The following PCDH15 variants were observed in gnomAD, a reference collection of about 807,000 sequenced individuals.
PCDH15 encodes the protein protocadherin related 15, also known as protocadherin-15.
A neutral mutation model predicts 178.5 loss-of-function variants in PCDH15; 129 were observed. That is an observed-to-expected ratio of 0.72 (90% confidence interval 0.63 to 0.84). The LOEUF is 0.84. Ranked by LOEUF, PCDH15 falls within the 40% of genes least tolerant of loss-of-function variation. PCDH15 has a pLI of 0.00. For missense variants in PCDH15, 2,230 were observed against 2,099.9 expected, an observed-to-expected ratio of 1.06 and a Z score of -1.21; for synonymous variants, 800 against 732.0, an observed-to-expected ratio of 1.09 and a Z score of -1.50.
At chr10:55,415,494 A>C (rs1408952690) in intron 2 of PCDH15, among the ~76,000 whole-genome samples, 1 of 151,692 alleles carries the variant, frequency 6.6e-6, no homozygotes, top group Non-Finnish European at 1.5e-5. Flanking sequence ...ACAATTGGAC[A>C]CCTTTCTCCA....
At chr10:55,222,730 C>CATATATATATATATATATATATATATAT (rs142618720) in intron 1 of PCDH15, among the ~76,000 whole-genome samples, 10 of 121,260 alleles carry the variant, frequency 8.2e-5, no homozygotes, top group South Asian at 5.3e-4. Context: ...CACACACACA[C>CATATATATATATATATATATATATATAT]ATATATATAT....
rs181390692 is a variant in PCDH15 at position 55,126,722 on chromosome 10, T to C, written c.-80+39854A>G. On this transcript the variant is annotated intron_variant, in intron 2 of 5. Coordinates refer to the PCDH15 transcript ENST00000458638. ...AAACAAAGGATAATATTTCTAGACATAGATATCAGTTGATATTTGATATAA... is the reference window on the plus strand; with the variant it reads ...AAACAAAGGATAATATTTCTAGACACAGATATCAGTTGATATTTGATATAA... 3.9e-3 allele frequency among the ~76,000 whole-genome samples: 587 copies of C among 152,142 alleles called. 2 individuals are homozygous for C. The highest frequency in any genetic ancestry group is 0.013 in the African/African-American group (557 of 41,534).
chr10:55,364,599 T>A (rs138993703), intron 2 of PCDH15, among the ~76,000 whole-genome samples: 1 of 152,278 alleles, frequency 6.6e-6, no homozygotes, highest in Admixed American at 6.5e-5. Flanking sequence ...CACATGGCTA[T>A]ATTATTTTGT....
intron 9 of PCDH15, among the ~76,000 whole-genome samples, chr10:54,236,619 AT>A (rs2054653189): frequency 6.6e-6 from 1 of 152,178 alleles, no homozygotes. Context: ...AAAGTTATTC[AT>A]TTATCATTCT....
chr10:55,020,181 T>A (rs1055135161), intron 2 of PCDH15, among the ~76,000 whole-genome samples: 2 of 150,484 alleles, frequency 1.3e-5, no homozygotes. Flanking sequence ...ATTAATCAAT[T>A]TGAATAAGCT....
intron 26 of PCDH15, among the ~76,000 whole-genome samples, chr10:53,868,465 G>A (rs2133181647): frequency 6.6e-6 from 1 of 152,150 alleles, no homozygotes; most frequent in East Asian, 1.9e-4. Context: ...TGAAATGATA[G>A]AAATGTTCTT....
At chr10:55,088,745 T>C (rs1371349895) in intron 2 of PCDH15, among the ~76,000 whole-genome samples, 1 of 152,118 alleles carries the variant, frequency 6.6e-6, no homozygotes, top group South Asian at 2.1e-4. Flanking sequence ...TTTAATACAT[T>C]ACATATAATA....
chr10:54,843,840 T>C (rs965576507), intron 3 of PCDH15, among the ~76,000 whole-genome samples: 20 of 151,944 alleles, frequency 1.3e-4, no homozygotes, highest in African/African-American at 4.8e-4. Flanking sequence ...GAGTCCCCAG[T>C]TGGAAAATAC....
chr10:54,877,566 A>C (rs1329073626), intron 3 of PCDH15, among the ~76,000 whole-genome samples: 4 of 152,314 alleles, frequency 2.6e-5, no homozygotes, highest in African/African-American at 9.6e-5. Context: ...GCACTATTAA[A>C]GAGTGAATAT....
At chr10:55,320,861 C>G (rs1843879441), upstream of PCDH15, among the ~76,000 whole-genome samples, 1 of 152,184 alleles carries the variant, frequency 6.6e-6, no homozygotes, top group South Asian at 2.1e-4. Flanking sequence ...TCTAGTAACT[C>G]AAAAAGCCAG....
In PCDH15 at chr10:54,672,352, A is replaced by C. The variant is rs1024878994; in HGVS notation, c.-28-8062T>G. 2.4e-4 allele frequency among the ~76,000 whole-genome samples: 36 copies of C among 152,184 alleles called. 1 individual carries two copies. Among genetic ancestry groups the C allele is most frequent in the Admixed American group, 1.2e-3 (18 of 15,276 alleles). ...ATGAAACCAGTCCCTGGTGCCACAA[A>C]CTTGGGGACCATTGCCATAGATAGT... On this transcript the variant is annotated intron_variant, in intron 1 of 37. Transcript: ENST00000644397.
intron 2 of PCDH15, among the ~76,000 whole-genome samples, chr10:55,333,076 G>A (rs1844255412): frequency 6.6e-6 from 1 of 152,032 alleles, no homozygotes; most frequent in Non-Finnish European, 1.5e-5. Context: ...AACATATAAA[G>A]ATAGAGTCAA....
intron 3 of PCDH15, among the ~76,000 whole-genome samples, chr10:54,509,233 T>A (rs1449612135): frequency 3.9e-5 from 6 of 152,052 alleles, no homozygotes; most frequent in Non-Finnish European, 5.9e-5. Context: ...TTTCCACGTG[T>A]TGTGGGAGGG....
intron 2 of PCDH15, among the ~76,000 whole-genome samples, chr10:55,404,128 C>G (rs1373881305): frequency 6.6e-6 from 1 of 151,914 alleles, no homozygotes; most frequent in Non-Finnish European, 1.5e-5. Flanking sequence ...TAAGAATACC[C>G]CCCACATTTT....
chr10:55,482,216 T>C (rs951621605), intron 2 of PCDH15, among the ~76,000 whole-genome samples: 3 of 151,914 alleles, frequency 2.0e-5, no homozygotes, highest in African/African-American at 7.2e-5. Flanking sequence ...AGACTTTTTG[T>C]GTCATTGCAT....
At chr10:54,571,178 A>T (rs2089779952) in intron 2 of PCDH15, among the ~76,000 whole-genome samples, 2 of 152,062 alleles carry the variant, frequency 1.3e-5, no homozygotes, top group African/African-American at 2.4e-5. Flanking sequence ...AGAAATTTGA[A>T]CGAGGAGAAA....
chr10:54,314,582 C>G (rs1018937834), intron 8 of PCDH15, among the ~76,000 whole-genome samples: 3 of 151,998 alleles, frequency 2.0e-5, no homozygotes, highest in Non-Finnish European at 4.4e-5. Context: ...AGGTTTGTTA[C>G]ATAGGTGAAG....
At chr10:54,952,505 T>C (rs540216347) in intron 2 of PCDH15, among the ~76,000 whole-genome samples, 2 of 151,948 alleles carry the variant, frequency 1.3e-5, no homozygotes, top group East Asian at 3.9e-4. Flanking sequence ...CCTCTCCATA[T>C]AAATTTTCAA....
chr10:55,339,446 G>C (rs1844490817), intron 2 of PCDH15, among the ~76,000 whole-genome samples: 1 of 151,988 alleles, frequency 6.6e-6, no homozygotes, highest in Non-Finnish European at 1.5e-5. Flanking sequence ...GGGTTCCATT[G>C]AAATAAAACA....
Sources: gnomAD v4.1 joint callset for allele counts (sites outside exome capture counted in the v4.1 genomes callset) on GRCh38, gnomAD v4.1.1 for gene constraint, MANE v1.5 for transcripts, NCBI Gene and HGNC (gene_info 2026-07-23, HGNC 2026-07-21) for gene names.